CCSER1: variants seen among roughly 807,000 people sequenced by gnomAD.
The protein encoded by CCSER1 is coiled-coil serine rich protein 1.
A neutral mutation model predicts 82.0 loss-of-function variants in CCSER1; 41 were observed. That is an observed-to-expected ratio of 0.50 (90% CI 0.39 to 0.65). The LOEUF (loss-of-function observed/expected upper bound fraction) is 0.65, where lower values mean the gene tolerates loss of function less well. Ranked by LOEUF, CCSER1 falls within the 30% of genes least tolerant of loss-of-function variation. The pLI is 0.00. For synonymous variants in CCSER1, 414 were observed against 383.9 expected, an observed-to-expected ratio of 1.08 and a Z score of -0.92; for missense variants, 1,119 against 1,064.2, an observed-to-expected ratio of 1.05 and a Z score of -0.72.
chr4:91,296,450 T>TATATATATATAC (rs1491417140), intron 10 of CCSER1, among the ~76,000 whole-genome samples: 47 of 9,544 alleles, frequency 4.9e-3, no homozygotes, highest in African/African-American at 0.02. Flanking sequence ...TGTCTAACAT[T>TATATATATATAC]ATATATATAT....
chr4:90,135,548 A>G (rs951090104), intron 1 of CCSER1, among the ~76,000 whole-genome samples: 3 of 152,236 alleles, frequency 2.0e-5, no homozygotes, highest in Admixed American at 2.0e-4. Context: ...TTGGATTTCC[A>G]TGATGCCAAC....
intron 10 of CCSER1, among the ~76,000 whole-genome samples, chr4:91,502,986 T>C (rs111814563): frequency 0.012 from 1,805 of 151,962 alleles, 11 homozygotes; most frequent in African/African-American, 0.024. Flanking sequence ...TGAATTAATA[T>C]GCTATTGAAT....
intron 8 of CCSER1, among the ~76,000 whole-genome samples, chr4:90,917,995 T>A: frequency 6.6e-6 from 1 of 152,114 alleles, no homozygotes; most frequent in East Asian, 1.9e-4. Context: ...AAGCAGACTT[T>A]GTGTTTCTTT....
intron 1 of CCSER1, among the ~76,000 whole-genome samples, chr4:90,204,085 A>T (rs1341388332): frequency 3.3e-5 from 5 of 151,994 alleles, no homozygotes; most frequent in African/African-American, 1.2e-4. Flanking sequence ...TAAATTCTGG[A>T]TATTGGCCCT....
At chr4:90,601,614 CA>C (rs1263893376) in intron 5 of CCSER1, among the ~76,000 whole-genome samples, 1 of 149,940 alleles carries the variant, frequency 6.7e-6, no homozygotes, top group African/African-American at 2.4e-5. Context: ...TTTTTGTTTA[CA>C]GGTTCTTCAG....
intron 10 of CCSER1, among the ~76,000 whole-genome samples, chr4:91,339,802 T>C (rs1747583103): frequency 1.3e-5 from 2 of 152,110 alleles, no homozygotes; most frequent in Admixed American, 6.5e-5. Context: ...ATTTTTTTTT[T>C]CTTTACATGA....
In CCSER1 at chr4:91,190,746, G is replaced by C. The variant is rs181113392; in HGVS notation, c.2217+104752G>C. Among the ~76,000 whole-genome samples, 561 of 152,266 alleles carry C rather than the reference G, an allele frequency of 3.7e-3. 7 individuals are homozygous for C. The highest frequency in any genetic ancestry group is 1.6e-3 in the Non-Finnish European group (108 of 68,012). ...AGAATAAAAAGTACATTGTCTTACG[G>C]TTTCAAAATATTATTCCCCTGAATT... On this transcript the variant is annotated intron_variant, in intron 10 of 10. Transcript: ENST00000509176.
At chr4:90,977,929 A>G (rs531279576) in intron 9 of CCSER1, among the ~76,000 whole-genome samples, 17 of 151,662 alleles carry the variant, frequency 1.1e-4, no homozygotes, top group Admixed American at 9.9e-4. Flanking sequence ...TCAATGCCCT[A>G]TGTGCTATGA....
intron 3 of CCSER1, among the ~76,000 whole-genome samples, chr4:90,351,625 T>C (rs1425608942): frequency 1.3e-5 from 2 of 152,144 alleles, no homozygotes; most frequent in African/African-American, 2.4e-5. Context: ...GTACATTGTG[T>C]GTATGTATTT....
chr4:90,879,556 G>A (rs1468215947), intron 8 of CCSER1, among the ~76,000 whole-genome samples: 1 of 8,032 alleles, frequency 1.2e-4, no homozygotes, highest in African/African-American at 4.5e-4. Flanking sequence ...AGAAGAAGAG[G>A]AAGAAGAAGA....
intron 10 of CCSER1, among the ~76,000 whole-genome samples, chr4:91,421,765 C>T (rs963176154): frequency 6.7e-6 from 1 of 149,626 alleles, no homozygotes; most frequent in Admixed American, 6.7e-5. Flanking sequence ...ACATAATTTA[C>T]ACTTATCAAT....
chr4:91,142,356 A>G (rs1178742412), intron 10 of CCSER1, among the ~76,000 whole-genome samples: 1 of 152,184 alleles, frequency 6.6e-6, no homozygotes, highest in Non-Finnish European at 1.5e-5. Flanking sequence ...TGAATCCATT[A>G]AACCTCTTTC....
chr4:91,155,565 G>A (rs1185367009), intron 10 of CCSER1, among the ~76,000 whole-genome samples: 1 of 151,978 alleles, frequency 6.6e-6, no homozygotes, highest in Non-Finnish European at 1.5e-5. Context: ...TCATGAACAA[G>A]TAGAGAGGGT....
rs562994662 is a variant in CCSER1, at chr4:90,542,300, C to G, written c.1724+73946C>G. Among the ~76,000 whole-genome samples, 42 of 152,154 alleles carry G rather than the reference C, an allele frequency of 2.8e-4. 1 individual carries two copies. The South Asian group carries it at 8.3e-3, about 30-fold the overall frequency. On this transcript the variant is annotated intron_variant, in intron 5 of 10. Transcript: ENST00000509176. ...ACCTGATGACACTATTTAAGATGGA[C>G]TGTCAGATCCCATTAGGTTTGCGGA...
At chr4:91,535,358 G>T (rs868028787) in intron 10 of CCSER1, among the ~76,000 whole-genome samples, 1 of 151,952 alleles carries the variant, frequency 6.6e-6, no homozygotes, top group Non-Finnish European at 1.5e-5. Context: ...CAAGTTATTT[G>T]TACTGGGAAG....
At chr4:90,236,777 A>T (rs1745875917) in intron 1 of CCSER1, among the ~76,000 whole-genome samples, 1 of 152,024 alleles carries the variant, frequency 6.6e-6, no homozygotes, top group Non-Finnish European at 1.5e-5. Flanking sequence ...TTATTAAAAA[A>T]TTTGCGGGAA....
At position 90,481,498 on chromosome 4, in the gene CCSER1, C is replaced by G. The variant is rs180950596; in HGVS notation, c.1724+13144C>G. Among the ~76,000 whole-genome samples the G allele has an allele frequency of 5.8e-3, 889 of 152,264 alleles. 1 individual carries two copies. Among genetic ancestry groups the G allele is most frequent in the Non-Finnish European group, 9.1e-3 (617 of 68,020 alleles). ...TTTTTGTCCATTCAGTATGATATGG[C>G]TGTGGGTTTGTCATAGAAAGCGCTT... On this transcript the variant is annotated intron_variant, in intron 5 of 10. Coordinates refer to ENST00000509176, the MANE Select transcript of CCSER1 (RefSeq NM_001145065.2).
intron 3 of CCSER1, chr4:90,370,359 A>T (rs542184455): frequency 4.6e-5 from 7 of 152,212 alleles, no homozygotes; most frequent in African/African-American, 1.7e-4. Context: ...TATGGAGTCC[A>T]TAAAAAGTAT....
At chr4:91,366,752 C>A (rs1258043926) in intron 10 of CCSER1, among the ~76,000 whole-genome samples, 3 of 152,170 alleles carry the variant, frequency 2.0e-5, no homozygotes, top group African/African-American at 2.4e-5. Context: ...TGCTGGTAAT[C>A]CTGGTTGTTA....
Sources: gnomAD v4.1 joint callset for allele counts (sites outside exome capture counted in the v4.1 genomes callset) on GRCh38, gnomAD v4.1.1 for gene constraint, MANE v1.5 for transcripts, NCBI Gene and HGNC (gene_info 2026-07-23, HGNC 2026-07-21) for gene names.